TRIM2: variants seen among roughly 807,000 people sequenced by gnomAD.
The protein encoded by TRIM2 is tripartite motif containing 2, also known as tripartite motif-containing protein 2.
A neutral mutation model predicts 75.2 loss-of-function variants in TRIM2; 20 were observed. The observed-to-expected ratio is 0.27, with a 90% confidence interval of 0.19 to 0.39. The LOEUF is 0.39. TRIM2 is among the 10% of genes least tolerant of loss of function. The pLI is 1.00. For missense variants in TRIM2, 660 were observed against 990.8 expected (o/e 0.67, Z 4.48); for synonymous variants, 373 against 388.3 (o/e 0.96, Z 0.46).
chr4:153,262,935 G>C (rs1266437990), intron 1 of TRIM2, among the ~76,000 whole-genome samples: 3 of 152,160 alleles, frequency 2.0e-5, no homozygotes, highest in Non-Finnish European at 2.9e-5. Flanking sequence ...GCGCTTTCAT[G>C]TACTCAATAG....
At chr4:153,315,256 G>GA (rs1272508646) in intron 6 of TRIM2, among the ~76,000 whole-genome samples, 2 of 152,182 alleles carry the variant, frequency 1.3e-5, no homozygotes, top group Admixed American at 1.3e-4. Context: ...ATTAATAAGA[G>GA]AAGATTGACA....
intron 10 of TRIM2, 84 bp downstream of exon 10, chr4:153,324,232 A>T: frequency 1.7e-6 from 2 of 1,173,144 alleles, no homozygotes; most frequent in Non-Finnish European, 2.5e-6. Context: ...CAATACTTAC[A>T]TATGGCACCA....
At chr4:153,153,006 C>A (rs889891033), upstream of TRIM2, 2 of 152,298 alleles carry the variant, frequency 1.3e-5, no homozygotes, top group African/African-American at 2.4e-5. Context: ...GTGACTGCGG[C>A]TAGGCATGCG....
Position 153,335,512 on chromosome 4 carries a change from A to G in TRIM2, c.*546A>G. The G allele has an allele frequency of 1.0e-6, 1 of 985,452 alleles. No homozygotes were observed. The highest frequency in any genetic ancestry group is 1.2e-6 in the Non-Finnish European group (1 of 829,940). 61.0% of individuals were successfully genotyped at this position (985,452 alleles called of 1,614,324 possible). On this transcript the variant is annotated 3_prime_UTR_variant, in exon 12 of 12. Transcript: ENST00000338700. ...GGAAAAAGTAAGGCTGTCTTGCAAA[A>G]TGATCCCAGCTCTGATTAGCAGCCC...
At chr4:153,196,271 C>CACA (rs140283138) in intron 1 of TRIM2, among the ~76,000 whole-genome samples, 8 of 147,698 alleles carry the variant, frequency 5.4e-5, no homozygotes, top group Non-Finnish European at 8.9e-5. Context: ...CCACCCCCCC[C>CACA]CACACACACA....
intron 11 of TRIM2, among the ~76,000 whole-genome samples, chr4:153,334,493 A>C (rs1772190604): frequency 6.6e-6 from 1 of 151,122 alleles, no homozygotes; most frequent in Admixed American, 6.6e-5. Flanking sequence ...CTACCAAAGT[A>C]CTGGCATTAC....
At chr4:153,254,019 C>G (rs574853924) in intron 1 of TRIM2, among the ~76,000 whole-genome samples, 1 of 152,246 alleles carries the variant, frequency 6.6e-6, no homozygotes, top group Admixed American at 6.5e-5. Flanking sequence ...ATCCAAGAAC[C>G]CTCTCTTGGG....
chr4:153,192,609 A>G (rs1367421702), intron 1 of TRIM2, among the ~76,000 whole-genome samples: 2 of 151,712 alleles, frequency 1.3e-5, no homozygotes, highest in African/African-American at 4.8e-5. Flanking sequence ...TCTCAAAAAA[A>G]AAAAAAAAAA....
At chr4:153,273,410 G>A (rs1757298743) in intron 2 of TRIM2, among the ~76,000 whole-genome samples, 1 of 149,204 alleles carries the variant, frequency 6.7e-6, no homozygotes. Context: ...CGAGTAGCTG[G>A]GACTACAGGC....
intron 1 of TRIM2, among the ~76,000 whole-genome samples, chr4:153,227,307 C>T (rs184447225): frequency 1.0e-3 from 157 of 152,350 alleles, no homozygotes; most frequent in African/African-American, 3.6e-3. Flanking sequence ...GTCCTCTCCT[C>T]AGCTACCAGA....
chr4:153,201,558 G>C (rs1191803163), upstream of TRIM2, among the ~76,000 whole-genome samples: 1 of 151,968 alleles, frequency 6.6e-6, no homozygotes, highest in African/African-American at 2.4e-5. Context: ...TTTTGGTTAT[G>C]TGCTGTGGTT....
intron 1 of TRIM2, among the ~76,000 whole-genome samples, chr4:153,155,627 A>G (rs1729161869): frequency 6.6e-6 from 1 of 152,156 alleles, no homozygotes; most frequent in Non-Finnish European, 1.5e-5. Context: ...AGTAAAATTA[A>G]CCACCAAGAG....
chr4:153,165,949 C>G (rs1730256752), intron 1 of TRIM2, among the ~76,000 whole-genome samples: 1 of 151,980 alleles, frequency 6.6e-6, no homozygotes, highest in Non-Finnish European at 1.5e-5. Context: ...CTATTTTTAT[C>G]TTTGCTAATC....
chr4:153,313,627 CTTTTTTT>C (rs398051309), intron 6 of TRIM2, among the ~76,000 whole-genome samples: 1 of 98,528 alleles, frequency 1.0e-5, no homozygotes, highest in Non-Finnish European at 1.9e-5. Flanking sequence ...AGCAATGGCT[CTTTTTTT>C]TTTTTTTTTT....
chr4:153,337,922 A>G lies in TRIM2; in HGVS notation c.*2956A>G. The G allele has an allele frequency of 1.0e-6, 1 of 985,776 alleles. No homozygotes were observed. Among genetic ancestry groups the G allele is most frequent in the East Asian group, 1.1e-4 (1 of 8,818 alleles). 61.1% of individuals were successfully genotyped at this position (985,776 alleles called of 1,614,324 possible). On this transcript the variant is annotated 3_prime_UTR_variant, in exon 12 of 12. Transcript: ENST00000338700. The stretch of plus-strand genomic sequence containing the variant: ...GACCCCCCAGCCCCCCTTGCTGGAC[A>G]TGGGGAGGCAGAGAGTCACTTGACC...
chr4:153,263,481 G>A (rs1342183741), intron 1 of TRIM2, among the ~76,000 whole-genome samples: 1 of 152,180 alleles, frequency 6.6e-6, no homozygotes, highest in Non-Finnish European at 1.5e-5. Context: ...CCGTTTCCAT[G>A]TTATATTTCG....
At chr4:153,239,245 G>A (rs1035080605) in intron 1 of TRIM2, among the ~76,000 whole-genome samples, 11 of 151,850 alleles carry the variant, frequency 7.2e-5, no homozygotes, top group Non-Finnish European at 1.5e-4. Flanking sequence ...CCAGCTACTC[G>A]GGAGGCTGAG....
intron 1 of TRIM2, among the ~76,000 whole-genome samples, chr4:153,212,796 A>G (rs1296365136): frequency 6.6e-6 from 1 of 152,016 alleles, no homozygotes; most frequent in Non-Finnish European, 1.5e-5. Flanking sequence ...TGTCTTCTTT[A>G]TTCCCTTTTC....
intron 1 of TRIM2, among the ~76,000 whole-genome samples, chr4:153,246,936 A>C (rs2093595087): frequency 6.6e-6 from 1 of 152,170 alleles, no homozygotes; most frequent in South Asian, 2.1e-4. Context: ...GCCAACCTTG[A>C]GAGGCGCATC....
Sources: allele counts gnomAD v4.1 joint callset (sites outside exome capture counted in the v4.1 genomes callset), GRCh38; gene constraint gnomAD v4.1.1; transcripts MANE v1.5; gene names NCBI Gene and HGNC (gene_info 2026-07-23, HGNC 2026-07-21).